Variants in TRAF3 observed in about 807,000 individuals in gnomAD.
TRAF3 encodes the protein TNF receptor-associated factor 3.
Under a neutral mutation model 62.3 loss-of-function variants are expected in TRAF3, and 13 were observed. The observed-to-expected ratio is 0.21, with a 90% CI of 0.14 to 0.33. The LOEUF (loss-of-function observed/expected upper bound fraction) is 0.33. Ranked by LOEUF, TRAF3 falls within the 10% of genes least tolerant of loss-of-function variation. The pLI, the probability that TRAF3 is intolerant of heterozygous loss-of-function variation, is 1.00. For missense variants in TRAF3, 440 were observed against 741.8 expected, an observed-to-expected ratio of 0.59 and a Z score of 4.73; for synonymous variants, 269 against 283.4, an observed-to-expected ratio of 0.95 and a Z score of 0.51.
At chr14:102,779,269 C>CTTTTTTTTTT (rs61309052) in intron 1 of TRAF3, among the ~76,000 whole-genome samples, 17 of 123,434 alleles carry the variant, frequency 1.4e-4, no homozygotes, top group African/African-American at 4.6e-4. Flanking sequence ...AGAATTCCAG[C>CTTTTTTTTTT]TTTTTTTTTT....
chr14:102,800,516 C>T (rs1216265130), intron 1 of TRAF3, among the ~76,000 whole-genome samples: 2 of 152,150 alleles, frequency 1.3e-5, no homozygotes, highest in Non-Finnish European at 2.9e-5. Flanking sequence ...GGTGCAGGCC[C>T]CAGTTCCTCA....
intron 2 of TRAF3, among the ~76,000 whole-genome samples, chr14:102,857,033 G>A (rs1887412718): frequency 6.6e-6 from 1 of 152,192 alleles, no homozygotes; most frequent in African/African-American, 2.4e-5. Flanking sequence ...CAACAGTAAA[G>A]TAGAATAACT....
intron 10 of TRAF3, 90 bp downstream of exon 10, chr14:102,897,491 A>T (rs1890064337): frequency 6.5e-7 from 1 of 1,535,700 alleles, no homozygotes; most frequent in Admixed American, 1.8e-5. Flanking sequence ...CTTTGAGCTG[A>T]GTCCTTGACC....
chr14:102,799,964 T>C (rs1463868387), intron 1 of TRAF3, among the ~76,000 whole-genome samples: 1 of 152,206 alleles, frequency 6.6e-6, no homozygotes, highest in Non-Finnish European at 1.5e-5. Context: ...TTTAATAACA[T>C]TTTGTGGTCA....
In TRAF3 at chr14:102,905,922, C is replaced by T. The variant is rs768076775; in HGVS notation, c.*138C>T. ...GCGGCAGAAGGCGGACGCGTGCCGGCGGGAGGAGCCACGCGTGAGCACACC... is the reference window on the plus strand; with the variant it reads ...GCGGCAGAAGGCGGACGCGTGCCGGTGGGAGGAGCCACGCGTGAGCACACC... On this transcript the variant is annotated 3_prime_UTR_variant, in exon 12 of 12. Transcript: ENST00000392745. The T allele has an allele frequency of 7.8e-5, 56 of 719,854 alleles. No homozygotes were observed. The highest frequency in any genetic ancestry group is 1.0e-4 in the Non-Finnish European group (44 of 436,644). 44.6% of individuals were successfully genotyped at this position (719,854 alleles called of 1,614,324 possible). A position where few individuals can be genotyped will look rare whatever the true frequency, so the allele number is the denominator to read the frequency against.
intron 7 of TRAF3, among the ~76,000 whole-genome samples, chr14:102,887,617 C>T (rs1469454799): frequency 2.0e-5 from 3 of 150,666 alleles, no homozygotes; most frequent in African/African-American, 2.5e-5. Flanking sequence ...TTTTTTGAGA[C>T]GGAGTCTCGC....
chr14:102,875,540 T>TTA lies in TRAF3; in HGVS notation c.298-84_298-83insTA, dbSNP rs1888595127. 4 of 1,156,340 alleles carry TTA rather than the reference T, an allele frequency of 3.5e-6. No homozygotes were observed. In the Middle Eastern group the frequency reaches 6.7e-4, roughly 194 times the overall value. 71.6% of individuals were successfully genotyped at this position (1,156,340 alleles called of 1,614,324 possible). The stretch of plus-strand genomic sequence containing the variant: ...GAGTTCCTCTCTTGTTTTTTTTTTT[T>TTA]AAGTGGTTTTGCCTTGTCCAAAGTA... On this transcript the variant is annotated intron_variant, in intron 4 of 11. Transcript: ENST00000392745.
intron 1 of TRAF3, among the ~76,000 whole-genome samples, chr14:102,820,268 C>T (rs1431121518): frequency 6.6e-6 from 1 of 151,948 alleles, no homozygotes; most frequent in Non-Finnish European, 1.5e-5. Flanking sequence ...TGGATCCTGC[C>T]CTTGGGTCTG....
rs4906271 is a variant in TRAF3, at chr14:102,909,257, T to A, written c.*3473T>A. ...AATTCTAGGAGCCATCAAGCATGAA[T>A]GTGGTTCTGTCTCCTGAGCGCAAGC... On this transcript the variant is annotated 3_prime_UTR_variant, in exon 12 of 12. Coordinates refer to ENST00000392745, the MANE Select transcript of TRAF3 (RefSeq NM_145725.3). The A allele has an allele frequency of 0.96, 146,430 of 152,410 alleles. 70,438 individuals are homozygous for A. The highest frequency in any genetic ancestry group is 1 in the East Asian group (5,167 of 5,178). 9.4% of individuals were successfully genotyped at this position (152,410 alleles called of 1,614,324 possible).
intron 1 of TRAF3, among the ~76,000 whole-genome samples, chr14:102,823,904 A>C (rs1201724284): frequency 6.6e-6 from 1 of 152,040 alleles, no homozygotes; most frequent in East Asian, 1.9e-4. Flanking sequence ...TAAGCACCAT[A>C]TTTTCATTCA....
At position 102,877,934 on chromosome 14, in the gene TRAF3, C is replaced by T. The variant is rs1418672594; in HGVS notation, c.570+1409C>T. Among the ~76,000 whole-genome samples, 4 of 152,228 alleles carry T rather than the reference C, an allele frequency of 2.6e-5. No individual in the cohort carries two copies. The East Asian group carries it at 7.7e-4, about 29-fold the overall frequency. On this transcript the variant is annotated intron_variant, in intron 6 of 11. Coordinates refer to ENST00000392745, the MANE Select transcript of TRAF3 (RefSeq NM_145725.3). ...TCTGCTCAATTAATATATACTTCTT[C>T]CACTGTACAGCTTCTTAAAGACTAT...
intron 1 of TRAF3, among the ~76,000 whole-genome samples, chr14:102,789,563 C>A (rs1308142896): frequency 6.6e-6 from 1 of 151,326 alleles, no homozygotes; most frequent in Non-Finnish European, 1.5e-5. Context: ...ATTTGAATAC[C>A]CAATCACACT....
At chr14:102,797,256 G>A (rs1411601235) in intron 1 of TRAF3, among the ~76,000 whole-genome samples, 1 of 152,116 alleles carries the variant, frequency 6.6e-6, no homozygotes, top group Non-Finnish European at 1.5e-5. Context: ...AGTCACTCAG[G>A]CTTGGAGTGA....
At chr14:102,821,901 G>T (rs1422225693) in intron 1 of TRAF3, among the ~76,000 whole-genome samples, 1 of 152,172 alleles carries the variant, frequency 6.6e-6, no homozygotes, top group Admixed American at 6.5e-5. Flanking sequence ...AATTAGCCGG[G>T]TGTGGTGGCG....
intron 10 of TRAF3, among the ~76,000 whole-genome samples, chr14:102,899,572 G>T (rs1890173556): frequency 6.6e-6 from 1 of 152,228 alleles, no homozygotes; most frequent in Non-Finnish European, 1.5e-5. Context: ...CTGCACAGAT[G>T]TCTTTTTCTC....
intron 2 of TRAF3, among the ~76,000 whole-genome samples, chr14:102,847,041 A>G (rs1292732953): frequency 6.6e-6 from 1 of 152,206 alleles, no homozygotes; most frequent in African/African-American, 2.4e-5. Flanking sequence ...AAGCAGTTTT[A>G]AAATAATCAG....
Position 102,884,091 on chromosome 14 carries a change from T to C in TRAF3, c.571-2098T>C, listed in dbSNP as rs749438815. On this transcript the variant is annotated intron_variant, in intron 6 of 11. Coordinates refer to ENST00000392745, the MANE Select transcript of TRAF3 (RefSeq NM_145725.3). Reference sequence around the variant, plus strand: ...AAAAAACAAATTTATCCTGTCATAGTTCTGGGTCTGGAAATGCAAAACCAA... The same window carrying C: ...AAAAAACAAATTTATCCTGTCATAGCTCTGGGTCTGGAAATGCAAAACCAA... Among the ~76,000 whole-genome samples the C allele has an allele frequency of 3.9e-5, 6 of 152,210 alleles. No individual in the cohort carries two copies. The South Asian group carries it at 1.2e-3, about 32-fold the overall frequency.
intron 1 of TRAF3, among the ~76,000 whole-genome samples, chr14:102,815,807 A>C (rs941595940): frequency 1.3e-5 from 2 of 152,204 alleles, no homozygotes; most frequent in Admixed American, 6.5e-5. Context: ...GCAGCAGGCA[A>C]GAAGGAGCGT....
intron 7 of TRAF3, among the ~76,000 whole-genome samples, chr14:102,889,217 TG>T (rs1229716247): frequency 7.9e-5 from 12 of 152,378 alleles, no homozygotes; most frequent in Admixed American, 7.8e-4. Flanking sequence ...ATGCAATTTT[TG>T]TTTATGGTCT....
Sources: gnomAD v4.1 joint callset for allele counts (sites outside exome capture counted in the v4.1 genomes callset) on GRCh38, gnomAD v4.1.1 for gene constraint, MANE v1.5 for transcripts, NCBI Gene and HGNC (gene_info 2026-07-23, HGNC 2026-07-21) for gene names.